C6: variants seen among roughly 807,000 people sequenced by gnomAD.
The protein encoded by C6 is complement C6.
C6 carries 101 observed loss-of-function variants against 112.9 expected under a neutral mutation model. That is an observed-to-expected ratio of 0.89 (90% CI 0.76 to 1.06). C6 has a LOEUF of 1.06. Among genes scored for constraint, C6 ranks in the 50% least tolerant of loss-of-function variants. The probability of loss-of-function intolerance (pLI) is 0.00; values close to 1 mark genes in which losing one functional copy is unlikely to be tolerated. For synonymous variants in C6, 431 were observed against 384.1 expected (o/e 1.12, Z -1.43); for missense variants, 1,202 against 1,104.6 (o/e 1.09, Z -1.25).
At position 41,149,406 on chromosome 5, in the gene C6, CCAAAAACTTA is replaced by C; in HGVS notation, c.2448_2457del (p.Cys816TrpfsTer6). ...TGCTGATTATTTAAACATTTCTCAG[CCAAAAACTTA>C]CAAGCGGGTGAAGTAAAGTAATCGT... On this transcript the variant is annotated frameshift_variant, in exon 17 of 18. Transcript: ENST00000337836. LOFTEE classifies it high-confidence loss of function. 6.2e-7 allele frequency: 1 copy of C among 1,614,070 alleles called. No homozygotes were observed. Among genetic ancestry groups the C allele is most frequent in the East Asian group, 2.2e-5 (1 of 44,872 alleles).
intron 1 of C6, among the ~76,000 whole-genome samples, chr5:41,222,592 T>C (rs1191785115): frequency 6.6e-6 from 1 of 152,138 alleles, no homozygotes; most frequent in East Asian, 1.9e-4. Flanking sequence ...TTTGAAGAGT[T>C]AATTTAAACA....
chr5:41,149,635 G>A (rs1179639504), intron 16 of C6, among the ~76,000 whole-genome samples, 153 bp from the exon 17 acceptor site: 1 of 152,170 alleles, frequency 6.6e-6, no homozygotes, highest in East Asian at 1.9e-4. Context: ...AGAGGAACAG[G>A]AAAGTGTTGA....
intron 1 of C6, among the ~76,000 whole-genome samples, chr5:41,207,746 C>A (rs1362088214): frequency 6.6e-6 from 1 of 152,174 alleles, no homozygotes; most frequent in East Asian, 1.9e-4. Context: ...TAGAGATCTA[C>A]AAAGAGACTT....
At chr5:41,159,060 C>T (rs766300783) in intron 12 of C6, 22 bp downstream of exon 12, 32 of 1,613,128 alleles carry the variant, frequency 2.0e-5, no homozygotes, top group African/African-American at 2.7e-5. Context: ...ATGACCCATT[C>T]TTTTCCCTTA....
chr5:41,144,588 T>C (rs1260524778), intron 17 of C6, among the ~76,000 whole-genome samples: 1 of 152,172 alleles, frequency 6.6e-6, no homozygotes, highest in African/African-American at 2.4e-5. Flanking sequence ...TTTTTCTTTT[T>C]CTTAACTTTT....
intron 5 of C6, among the ~76,000 whole-genome samples, chr5:41,187,699 T>TACATACAC (rs1554026337): frequency 1.6e-5 from 2 of 123,230 alleles, no homozygotes; most frequent in East Asian, 4.0e-4. Context: ...GACACACACA[T>TACATACAC]ACACACACAC....
chr5:41,159,868 A>G (rs181467464), intron 11 of C6, among the ~76,000 whole-genome samples: 380 of 152,262 alleles, frequency 2.5e-3, no homozygotes, highest in Admixed American at 5.0e-3. Context: ...ATAAATACGC[A>G]TATAATATAT....
At chr5:41,160,057 G>T in intron 11 of C6, 85 bp downstream of exon 11, 1 of 1,120,670 alleles carries the variant, frequency 8.9e-7, no homozygotes, top group Non-Finnish European at 1.4e-6. Flanking sequence ...GCTAATAGAA[G>T]TTTTGTTTCT....
Position 41,204,446 on chromosome 5 carries a change from G to T in C6, c.-20-1196C>A, listed in dbSNP as rs192049880. On this transcript the variant is annotated intron_variant, in intron 1 of 17. Coordinates refer to ENST00000337836, the MANE Select transcript of C6 (RefSeq NM_000065.5). ...TTCCAAATTGCCCTGCTAAAATATGGCTCTCTCATGTCCCAGAGGATGAGT... is the reference window on the plus strand; with the variant it reads ...TTCCAAATTGCCCTGCTAAAATATGTCTCTCTCATGTCCCAGAGGATGAGT... Among the ~76,000 whole-genome samples, 704 of 152,094 alleles carry T rather than the reference G, an allele frequency of 4.6e-3. 6 individuals are homozygous for T. Among genetic ancestry groups the T allele is most frequent in the Non-Finnish European group, 7.1e-3 (485 of 67,978 alleles).
chr5:41,231,876 A>G (rs1739923976), intron 1 of C6, among the ~76,000 whole-genome samples: 2 of 149,500 alleles, frequency 1.3e-5, no homozygotes, highest in South Asian at 2.2e-4. Flanking sequence ...TCTTTAATAT[A>G]CTTTCTTTAA....
At chr5:41,242,577 A>T (rs549785589) in intron 1 of C6, among the ~76,000 whole-genome samples, 74 of 152,346 alleles carry the variant, frequency 4.9e-4, no homozygotes, top group Admixed American at 1.2e-3. Context: ...CTCTGTAGTT[A>T]GCACACATTA....
intron 5 of C6, 112 bp downstream of exon 5, chr5:41,195,680 G>C (rs897606289): frequency 9.1e-7 from 1 of 1,102,378 alleles, no homozygotes; most frequent in Non-Finnish European, 1.4e-6. Flanking sequence ...AGGGCTGGTA[G>C]GAGTAGTAAG....
At chr5:41,203,746 T>C (rs1751212842) in intron 1 of C6, 1 of 170,452 alleles carries the variant, frequency 5.9e-6, no homozygotes, top group East Asian at 1.6e-4. Flanking sequence ...TGACTCCATA[T>C]AAAGTCAGAG....
intron 8 of C6, chr5:41,172,601 C>T: frequency 1.8e-6 from 1 of 542,788 alleles, no homozygotes; most frequent in Non-Finnish European, 3.3e-6. Context: ...CCCTCAGAAG[C>T]ACATATGAGC....
intron 1 of C6, among the ~76,000 whole-genome samples, chr5:41,222,604 T>C (rs1206159371): frequency 2.0e-5 from 3 of 152,136 alleles, no homozygotes. Flanking sequence ...ATTTAAACAA[T>C]TGCATTATTT....
intron 4 of C6, among the ~76,000 whole-genome samples, chr5:41,197,635 G>C (rs1750710360): frequency 6.6e-6 from 1 of 152,062 alleles, no homozygotes; most frequent in African/African-American, 2.4e-5. Flanking sequence ...CCAGATTTGT[G>C]AGAATACAAG....
chr5:41,213,402 G>C lies in C6; in HGVS notation c.-47C>G. 1.0e-6 allele frequency: 1 copy of C among 985,090 alleles called. No homozygotes were observed. The highest frequency in any genetic ancestry group is 1.2e-6 in the Non-Finnish European group (1 of 829,764). 61.0% of individuals were successfully genotyped at this position (985,090 alleles called of 1,614,324 possible). A position where few individuals can be genotyped will look rare whatever the true frequency, so the allele number is the denominator to read the frequency against. ...TTTAAGCAGAGTTTGTGGTGTCCTC[G>C]GACCTAAGCTGCAAATTATTGGGGA... On this transcript the variant is annotated 5_prime_UTR_variant, in exon 1 of 18. Coordinates refer to ENST00000337836, the MANE Select transcript of C6 (RefSeq NM_000065.5).
Position 41,159,242 on chromosome 5 carries a change from C to T in C6, c.1696G>A (p.Gly566Arg), listed in dbSNP as rs372194362. Residue 566 changes from glycine to arginine, a missense_variant, in exon 12 of 18, where the codon GGA (glycine) becomes AGA (arginine). Physicochemically the swap from Gly to Arg is moderately radical, Grantham distance 125. Transcript: ENST00000337836. ...CAGGAAGACCAACAACCCCACTGTC[C>T]GTCTACTGCATCTGGAACAAAGGAA... is the stretch of plus-strand genomic sequence containing the variant. ...SPDYKSNAVD[G>R]QWGCWSSWST... 6.1e-5 allele frequency: 98 copies of T among 1,612,968 alleles called. No individual in the cohort carries two copies. The highest frequency in any genetic ancestry group is 4.0e-4 in the African/African-American group (30 of 74,826).
chr5:41,243,443 T>C (rs1443469860), intron 1 of C6, among the ~76,000 whole-genome samples: 1 of 152,248 alleles, frequency 6.6e-6, no homozygotes, highest in African/African-American at 2.4e-5. Flanking sequence ...TATTCTAGGC[T>C]CTTTAAACTT....
Sources: gnomAD v4.1 joint callset for allele counts (sites outside exome capture counted in the v4.1 genomes callset) on GRCh38, gnomAD v4.1.1 for gene constraint, MANE v1.5 for transcripts, NCBI Gene and HGNC (gene_info 2026-07-23, HGNC 2026-07-21) for gene names.